GPM6A: variants seen among roughly 807,000 people sequenced by gnomAD.
GPM6A encodes neuronal membrane glycoprotein M6-a.
Under a neutral mutation model 32.1 loss-of-function variants are expected in GPM6A, and 7 were observed. The observed-to-expected ratio is 0.22, with a 90% CI of 0.12 to 0.41. GPM6A has a LOEUF of 0.41. Ranked by LOEUF, GPM6A falls within the 10% of genes least tolerant of loss-of-function variation. The pLI, the probability that GPM6A is intolerant of heterozygous loss-of-function variation, is 1.00. For missense variants in GPM6A, 235 were observed against 347.2 expected, an observed-to-expected ratio of 0.68 and a Z score of 2.57; for synonymous variants, 130 against 123.4, an observed-to-expected ratio of 1.05 and a Z score of -0.35.
intron 1 of GPM6A, among the ~76,000 whole-genome samples, chr4:175,835,170 C>G (rs992444715): frequency 6.6e-6 from 1 of 152,090 alleles, no homozygotes; most frequent in African/African-American, 2.4e-5. Context: ...TGTACTGTAC[C>G]GTGCTTCTCC....
chr4:175,810,863 G>A (rs1437416523), intron 1 of GPM6A, among the ~76,000 whole-genome samples: 3 of 152,096 alleles, frequency 2.0e-5, no homozygotes, highest in Admixed American at 1.3e-4. Context: ...GGCTATTTGT[G>A]CATATAATAA....
chr4:175,907,361 C>A (rs1057328655), intron 1 of GPM6A: 1 of 152,128 alleles, frequency 6.6e-6, no homozygotes, highest in African/African-American at 2.4e-5. Flanking sequence ...CATTAAATTG[C>A]TGGTCTCAAA....
At chr4:175,695,342 A>T (rs1579394564) in intron 2 of GPM6A, among the ~76,000 whole-genome samples, 1 of 152,202 alleles carries the variant, frequency 6.6e-6, no homozygotes, top group East Asian at 1.9e-4. Context: ...TGGAAAAGCC[A>T]TAGGCATTCA....
intron 1 of GPM6A, among the ~76,000 whole-genome samples, chr4:175,923,026 G>A (rs1738717010): frequency 6.6e-6 from 1 of 151,826 alleles, no homozygotes. Context: ...ATCCACGCTT[G>A]TTATTTGTCT....
chr4:175,804,446 G>A (rs932167943), intron 1 of GPM6A, among the ~76,000 whole-genome samples: 1 of 152,010 alleles, frequency 6.6e-6, no homozygotes, highest in Non-Finnish European at 1.5e-5. Context: ...TTTGTGTGAG[G>A]TTTTCTCTTA....
intron 1 of GPM6A, among the ~76,000 whole-genome samples, chr4:175,843,373 A>T (rs566952297): frequency 6.6e-6 from 1 of 152,312 alleles, no homozygotes; most frequent in South Asian, 2.1e-4. Context: ...AATCTACTGA[A>T]CAGAGGCCCC....
At position 175,962,219 on chromosome 4, in the gene GPM6A, G is replaced by A. The variant is rs951999819; in HGVS notation, c.-23+40090C>T. 2.0e-5 allele frequency: 26 copies of A among 1,302,580 alleles called. No homozygotes were observed. In the African/African-American group the frequency reaches 2.6e-4, roughly 13 times the overall value. 80.7% of individuals were successfully genotyped at this position (1,302,580 alleles called of 1,614,324 possible). On this transcript the variant is annotated intron_variant, in intron 1 of 7. Transcript: ENST00000280187. ...TGGAGTATTGGAGTCAGTTCATGAT[G>A]GTGGAACAAGAGAACATTGACCTCC...
chr4:175,842,403 T>C (rs1735966928), intron 1 of GPM6A, among the ~76,000 whole-genome samples: 2 of 152,232 alleles, frequency 1.3e-5, no homozygotes, highest in Admixed American at 1.3e-4. Flanking sequence ...GTGAGGTATT[T>C]GATGCTCACA....
At chr4:175,838,084 G>T (rs928041735) in intron 1 of GPM6A, among the ~76,000 whole-genome samples, 5 of 124,294 alleles carry the variant, frequency 4.0e-5, no homozygotes, top group Non-Finnish European at 8.0e-5. Flanking sequence ...AGTAGGCCTT[G>T]GTTAAAACAC....
chr4:175,725,867 A>G (rs1415267723), intron 1 of GPM6A, among the ~76,000 whole-genome samples: 1 of 152,200 alleles, frequency 6.6e-6, no homozygotes, highest in African/African-American at 2.4e-5. Context: ...GATGCAAACC[A>G]TAAATCATAA....
intron 1 of GPM6A, among the ~76,000 whole-genome samples, chr4:175,937,143 T>A (rs1359718107): frequency 6.6e-6 from 1 of 152,118 alleles, no homozygotes; most frequent in Non-Finnish European, 1.5e-5. Context: ...TTTATCAAAA[T>A]ATTAAAATTA....
intron 1 of GPM6A, among the ~76,000 whole-genome samples, chr4:175,711,474 A>G (rs1745540110): frequency 1.5e-5 from 2 of 137,566 alleles, no homozygotes; most frequent in Admixed American, 7.3e-5. Context: ...ACATACATAC[A>G]TGTATATATA....
At position 175,746,882 on chromosome 4, in the gene GPM6A, T is replaced by A. The variant is rs531835774; in HGVS notation, c.38-45115A>T. Among the ~76,000 whole-genome samples, 16 of 152,282 alleles carry A rather than the reference T, an allele frequency of 1.1e-4. No individual in the cohort carries two copies. The East Asian group carries it at 3.1e-3, about 29-fold the overall frequency. On this transcript the variant is annotated intron_variant, in intron 1 of 6. Coordinates refer to ENST00000393658, the MANE Select transcript of GPM6A (RefSeq NM_201591.3). Reference sequence around the variant, plus strand: ...TGAACCTTGTTGCTTTGTGTGATGATTAGCAAGTACTATAATTTGGAAAAT... The same window carrying A: ...TGAACCTTGTTGCTTTGTGTGATGAATAGCAAGTACTATAATTTGGAAAAT...
intron 1 of GPM6A, chr4:176,002,224 C>T: frequency 7.2e-7 from 1 of 1,393,576 alleles, no homozygotes; most frequent in Non-Finnish European, 1.0e-6. Context: ...AGTCTGAGGC[C>T]GAGGAACATT....
intron 4 of GPM6A, among the ~76,000 whole-genome samples, chr4:175,650,686 T>C (rs1741754144): frequency 6.6e-6 from 1 of 152,166 alleles, no homozygotes; most frequent in Non-Finnish European, 1.5e-5. Flanking sequence ...TCTTGTAGGA[T>C]GGTGGGTGAG....
rs950553551 is a variant in GPM6A, at chr4:175,935,858, G to A, written c.-23+66451C>T. On this transcript the variant is annotated intron_variant, in intron 1 of 7. Coordinates refer to the GPM6A transcript ENST00000280187. Reference sequence around the variant, plus strand: ...ACTGCCAAAGAATAATAATCAAAAAGTGCAAGGAGAGGGGATATTGATTTA... The same window carrying A: ...ACTGCCAAAGAATAATAATCAAAAAATGCAAGGAGAGGGGATATTGATTTA... Among the ~76,000 whole-genome samples the A allele has an allele frequency of 1.2e-4, 18 of 152,036 alleles. 1 individual carries two copies. The highest frequency in any genetic ancestry group is 4.3e-4 in the African/African-American group (18 of 41,508).
chr4:175,799,841 A>AT (rs1734402193), intron 1 of GPM6A, among the ~76,000 whole-genome samples: 1 of 151,424 alleles, frequency 6.6e-6, no homozygotes, highest in East Asian at 1.9e-4. Flanking sequence ...CGCCCGGCTA[A>AT]TTTTTTGTAT....
chr4:175,732,176 A>C (rs982768705), intron 1 of GPM6A, among the ~76,000 whole-genome samples: 4 of 151,530 alleles, frequency 2.6e-5, no homozygotes, highest in South Asian at 4.2e-4. Flanking sequence ...CATGTTGGCC[A>C]GGATGGTCTC....
At chr4:175,993,101 G>A (rs566019221) in intron 1 of GPM6A, among the ~76,000 whole-genome samples, 66 of 150,906 alleles carry the variant, frequency 4.4e-4, no homozygotes, top group African/African-American at 1.2e-3. Flanking sequence ...CCTTGGACCC[G>A]TCCAAATTTC....
Sources: allele counts gnomAD v4.1 joint callset (sites outside exome capture counted in the v4.1 genomes callset), GRCh38; gene constraint gnomAD v4.1.1; transcripts MANE v1.5; gene names NCBI Gene and HGNC (gene_info 2026-07-23, HGNC 2026-07-21).